The following NRG3 variants were observed in gnomAD, a reference collection of about 807,000 sequenced individuals.
The protein encoded by NRG3 is neuregulin 3.
A neutral mutation model predicts 66.9 loss-of-function variants in NRG3; 31 were observed. That is an observed-to-expected ratio of 0.46 (90% confidence interval 0.35 to 0.63). The LOEUF (loss-of-function observed/expected upper bound fraction) is 0.63, where lower values mean the gene tolerates loss of function less well. Ranked by LOEUF, NRG3 falls within the 20% of genes least tolerant of loss-of-function variation. The probability of loss-of-function intolerance (pLI) is 0.00; values close to 1 mark genes in which losing one functional copy is unlikely to be tolerated. For synonymous variants in NRG3, 393 were observed against 359.4 expected, an observed-to-expected ratio of 1.09 and a Z score of -1.06; for missense variants, 910 against 878.9, an observed-to-expected ratio of 1.04 and a Z score of -0.45.
At chr10:81,920,391 G>A (rs531025056) in intron 1 of NRG3, among the ~76,000 whole-genome samples, 3 of 152,118 alleles carry the variant, frequency 2.0e-5, no homozygotes, top group South Asian at 4.2e-4. Flanking sequence ...TGCTGCCCAG[G>A]CACCCCTAAT....
At chr10:82,289,260 A>G (rs561811875) in intron 1 of NRG3, among the ~76,000 whole-genome samples, 1 of 149,510 alleles carries the variant, frequency 6.7e-6, no homozygotes, top group Admixed American at 6.6e-5. Flanking sequence ...GAATCAGGGA[A>G]TGAGGTGAGT....
chr10:82,596,180 A>T (rs1400309371), intron 2 of NRG3, among the ~76,000 whole-genome samples: 1 of 152,188 alleles, frequency 6.6e-6, no homozygotes, highest in Non-Finnish European at 1.5e-5. Context: ...AGTCTCATAC[A>T]ATCAGTCAGA....
chr10:82,269,253 C>A (rs1375665189), intron 1 of NRG3, among the ~76,000 whole-genome samples: 2 of 152,088 alleles, frequency 1.3e-5, no homozygotes, highest in African/African-American at 4.8e-5. Context: ...GTCTAAGGGC[C>A]TTGAGGAGGC....
At chr10:82,589,936 A>G (rs576869392) in intron 2 of NRG3, among the ~76,000 whole-genome samples, 13 of 152,322 alleles carry the variant, frequency 8.5e-5, no homozygotes, top group Non-Finnish European at 1.5e-4. Flanking sequence ...TTTAGGATGT[A>G]TAATAGTTTG....
At chr10:82,557,889 A>T (rs1028775278) in intron 2 of NRG3, among the ~76,000 whole-genome samples, 14 of 152,288 alleles carry the variant, frequency 9.2e-5, no homozygotes, top group African/African-American at 3.4e-4. Flanking sequence ...CTGGCTTTGC[A>T]CCCAGAAGGT....
intron 2 of NRG3, among the ~76,000 whole-genome samples, chr10:82,660,065 G>A (rs2052209034): frequency 6.6e-6 from 1 of 151,400 alleles, no homozygotes; most frequent in Admixed American, 6.6e-5. Flanking sequence ...GCATGGTGGT[G>A]GTTGCCTGTA....
chr10:82,616,149 A>G (rs1257614814), intron 2 of NRG3, among the ~76,000 whole-genome samples: 1 of 152,162 alleles, frequency 6.6e-6, no homozygotes, highest in Non-Finnish European at 1.5e-5. Flanking sequence ...TTTAATTGCC[A>G]TTGTAACTGG....
intron 3 of NRG3, among the ~76,000 whole-genome samples, chr10:82,815,386 A>G (rs1262982483): frequency 6.6e-6 from 1 of 152,176 alleles, no homozygotes; most frequent in Non-Finnish European, 1.5e-5. Flanking sequence ...CTTTGGGGAA[A>G]TGTATGAGGT....
chr10:82,790,986 AT>A (rs2060565800), intron 3 of NRG3, among the ~76,000 whole-genome samples: 1 of 151,676 alleles, frequency 6.6e-6, no homozygotes, highest in Non-Finnish European at 1.5e-5. Flanking sequence ...CTCATATTTT[AT>A]TTAATTATTT....
intron 3 of NRG3, among the ~76,000 whole-genome samples, chr10:82,806,947 A>G (rs959573246): frequency 2.6e-5 from 4 of 152,226 alleles, no homozygotes; most frequent in South Asian, 2.1e-4. Context: ...CATTGTCTAC[A>G]TAGACTTTAA....
chr10:82,395,653 T>TATCCATCCATCCATC (rs2086666614), intron 2 of NRG3, among the ~76,000 whole-genome samples: 1 of 152,112 alleles, frequency 6.6e-6, no homozygotes. Context: ...TCTATCCATT[T>TATCCATCCATCCATC]ATCCATCCAT....
intron 1 of NRG3, among the ~76,000 whole-genome samples, chr10:81,974,735 A>G (rs1005672123): frequency 4.6e-5 from 7 of 152,132 alleles, no homozygotes; most frequent in Non-Finnish European, 7.4e-5. Flanking sequence ...ACGCATCTAT[A>G]CTCACACAGG....
chr10:82,573,972 T>C (rs2133143989), intron 2 of NRG3, among the ~76,000 whole-genome samples: 1 of 151,932 alleles, frequency 6.6e-6, no homozygotes, highest in South Asian at 2.1e-4. Context: ...GAAAACACTA[T>C]GGAGGTTCCT....
At chr10:82,616,803 G>A (rs2048682307) in intron 2 of NRG3, among the ~76,000 whole-genome samples, 1 of 152,060 alleles carries the variant, frequency 6.6e-6, no homozygotes, top group Non-Finnish European at 1.5e-5. Context: ...TCAGGCATAA[G>A]GAAAAGAAGG....
At chr10:82,792,535 A>G (rs1030106418) in intron 3 of NRG3, among the ~76,000 whole-genome samples, 2 of 151,896 alleles carry the variant, frequency 1.3e-5, no homozygotes, top group African/African-American at 4.8e-5. Context: ...TGTTATTTCA[A>G]TGTTTTTTGT....
chr10:82,066,057 A>G (rs2064440921), intron 1 of NRG3, among the ~76,000 whole-genome samples: 1 of 152,210 alleles, frequency 6.6e-6, no homozygotes, highest in Non-Finnish European at 1.5e-5. Context: ...GAAGAAATGA[A>G]CGTGAACTAA....
intron 1 of NRG3, among the ~76,000 whole-genome samples, chr10:82,018,246 G>C (rs962291062): frequency 6.6e-6 from 1 of 152,142 alleles, no homozygotes; most frequent in African/African-American, 2.4e-5. Flanking sequence ...GATGGTTGCA[G>C]ATGTGTGGTA....
chr10:82,942,783 C>T (rs1389806035), intron 4 of NRG3, among the ~76,000 whole-genome samples: 1 of 152,034 alleles, frequency 6.6e-6, no homozygotes, highest in Admixed American at 6.6e-5. Context: ...ATTGTCTTTA[C>T]CAAGAAAATG....
At chr10:82,860,462 G>C (rs1485580038) in intron 3 of NRG3, among the ~76,000 whole-genome samples, 1 of 152,166 alleles carries the variant, frequency 6.6e-6, no homozygotes. Flanking sequence ...TAAGAGCCAA[G>C]CCGGCCTAGG....
Sources: gnomAD v4.1 joint callset for allele counts (sites outside exome capture counted in the v4.1 genomes callset) on GRCh38, gnomAD v4.1.1 for gene constraint, MANE v1.5 for transcripts, NCBI Gene and HGNC (gene_info 2026-07-23, HGNC 2026-07-21) for gene names.